The following SLC44A5 variants were observed in gnomAD, a reference collection of about 807,000 sequenced individuals.
SLC44A5 encodes the protein solute carrier family 44 member 5.
In SLC44A5, 57 loss-of-function variants were observed where a neutral mutation model predicts 101.8. The ratio of observed to expected loss-of-function variants is 0.56; its 90% CI spans 0.45 to 0.70. SLC44A5 has a LOEUF of 0.70. SLC44A5 is among the 30% of genes least tolerant of loss of function. The probability of loss-of-function intolerance (pLI) is 0.00; values close to 1 mark genes in which losing one functional copy is unlikely to be tolerated. For synonymous variants in SLC44A5, 281 were observed against 290.9 expected, an observed-to-expected ratio of 0.97 and a Z score of 0.35; for missense variants, 737 against 853.1, an observed-to-expected ratio of 0.86 and a Z score of 1.70.
At chr1:75,465,222 A>G (rs1666749555) in intron 2 of SLC44A5, among the ~76,000 whole-genome samples, 1 of 152,210 alleles carries the variant, frequency 6.6e-6, no homozygotes, top group South Asian at 2.1e-4. Context: ...CTAGAAATCA[A>G]CAACAAGAAG....
At chr1:75,384,731 C>T (rs1416555200) in intron 3 of SLC44A5, among the ~76,000 whole-genome samples, 2 of 131,786 alleles carry the variant, frequency 1.5e-5, no homozygotes, top group South Asian at 2.8e-4. Flanking sequence ...CAGAACTCTC[C>T]ACCCCAAATC....
At chr1:75,503,819 A>G (rs1307992674) in intron 2 of SLC44A5, among the ~76,000 whole-genome samples, 1 of 152,176 alleles carries the variant, frequency 6.6e-6, no homozygotes, top group East Asian at 1.9e-4. Context: ...CTAATCCAAC[A>G]TGGAATATGC....
At chr1:75,684,552 T>G in the SLC44A5 span, among the ~76,000 whole-genome samples, 2 of 152,074 alleles carry the variant, frequency 1.3e-5, no homozygotes, top group African/African-American at 2.4e-5. Flanking sequence ...GTGGAGAAAT[T>G]GGCCAAAATA....
intron 14 of SLC44A5, among the ~76,000 whole-genome samples, chr1:75,222,082 C>T (rs918503245): frequency 1.3e-4 from 20 of 151,786 alleles, no homozygotes; most frequent in Non-Finnish European, 7.4e-5. Context: ...CCTCAGCCTC[C>T]CAAGTAGCTG....
chr1:75,602,368 G>A (rs1030056034), intron 1 of SLC44A5, among the ~76,000 whole-genome samples: 1 of 152,140 alleles, frequency 6.6e-6, no homozygotes, highest in African/African-American at 2.4e-5. Flanking sequence ...TGTGTAGGAA[G>A]TGTGATAATT....
chr1:75,223,610 A>G (rs1219503694), intron 13 of SLC44A5, among the ~76,000 whole-genome samples: 4 of 152,050 alleles, frequency 2.6e-5, no homozygotes, highest in Non-Finnish European at 5.9e-5. Flanking sequence ...CCAGTCTATA[A>G]CCTCCTTGCT....
At chr1:75,683,330 A>C in the SLC44A5 span, among the ~76,000 whole-genome samples, 1 of 152,194 alleles carries the variant, frequency 6.6e-6, no homozygotes, top group Non-Finnish European at 1.5e-5. Flanking sequence ...GGCATTATTC[A>C]CAATAGCAAA....
chr1:75,488,207 G>A (rs929558865), intron 2 of SLC44A5, among the ~76,000 whole-genome samples: 4 of 152,162 alleles, frequency 2.6e-5, no homozygotes, highest in African/African-American at 9.7e-5. Context: ...AATGCCAAAT[G>A]AATATAATGT....
chr1:75,553,333 A>T (rs1207214155), intron 1 of SLC44A5, among the ~76,000 whole-genome samples: 1 of 152,078 alleles, frequency 6.6e-6, no homozygotes, highest in Non-Finnish European at 1.5e-5. Context: ...AAATTTTTTC[A>T]TTGTTTTTTC....
At chr1:75,338,183 T>C (rs113126386) in intron 4 of SLC44A5, among the ~76,000 whole-genome samples, 2 of 152,348 alleles carry the variant, frequency 1.3e-5, no homozygotes, top group Admixed American at 1.3e-4. Flanking sequence ...AAGGTCTTTG[T>C]GGTGCCGGAG....
At chr1:75,703,670 AAAAAG>A in the SLC44A5 span, among the ~76,000 whole-genome samples, 1 of 152,102 alleles carries the variant, frequency 6.6e-6, no homozygotes, top group Non-Finnish European at 1.5e-5. Context: ...ATAAAAAAAA[AAAAAG>A]AATCTGAAAA....
intron 2 of SLC44A5, among the ~76,000 whole-genome samples, chr1:75,443,274 GAAAAA>G (rs1229613958): frequency 6.6e-6 from 1 of 151,312 alleles, no homozygotes; most frequent in Admixed American, 6.6e-5. Flanking sequence ...AAAGAAAATA[GAAAAA>G]AGTAAATAAA....
chr1:75,630,168 G>A, the SLC44A5 span, among the ~76,000 whole-genome samples: 51 of 152,238 alleles, frequency 3.4e-4, no homozygotes, highest in African/African-American at 1.2e-3. Flanking sequence ...GGCCCTCTGG[G>A]TGGCAGAAAT....
chr1:75,361,810 T>C (rs570773727), intron 3 of SLC44A5, among the ~76,000 whole-genome samples: 2 of 152,244 alleles, frequency 1.3e-5, no homozygotes, highest in South Asian at 4.1e-4. Flanking sequence ...TAATTTTCTT[T>C]TTCTGAGGTG....
intron 2 of SLC44A5, among the ~76,000 whole-genome samples, chr1:75,501,571 A>G (rs1411352240): frequency 6.6e-6 from 1 of 152,198 alleles, no homozygotes; most frequent in Non-Finnish European, 1.5e-5. Flanking sequence ...TAAAGTTCAA[A>G]GCATTTTCAA....
intron 2 of SLC44A5, among the ~76,000 whole-genome samples, chr1:75,431,920 A>G (rs1369540286): frequency 6.6e-6 from 1 of 152,140 alleles, no homozygotes; most frequent in African/African-American, 2.4e-5. Flanking sequence ...CCAAGGGAGG[A>G]GAGGAGTATT....
At chr1:75,358,588 C>T (rs1659250782) in intron 3 of SLC44A5, among the ~76,000 whole-genome samples, 1 of 152,070 alleles carries the variant, frequency 6.6e-6, no homozygotes, top group Non-Finnish European at 1.5e-5. Flanking sequence ...GGTGAGAACA[C>T]TTAAGGTATA....
the SLC44A5 span, among the ~76,000 whole-genome samples, chr1:75,622,892 C>A: frequency 0.25 from 38,088 of 151,974 alleles, 6,587 homozygotes; most frequent in East Asian, 0.81. Flanking sequence ...CTCATTCCCT[C>A]ATATATGAGT....
chr1:75,527,133 G>A (rs563659384), intron 2 of SLC44A5, among the ~76,000 whole-genome samples: 56 of 131,784 alleles, frequency 4.2e-4, no homozygotes, highest in African/African-American at 2.4e-4. Flanking sequence ...AGACACTGTC[G>A]CAAAAAAAAA....
Sources: allele counts gnomAD v4.1 joint callset (sites outside exome capture counted in the v4.1 genomes callset), GRCh38; gene constraint gnomAD v4.1.1; transcripts MANE v1.5; gene names NCBI Gene and HGNC (gene_info 2026-07-23, HGNC 2026-07-21).